Variants in PTPN3 observed in about 807,000 individuals in gnomAD.
PTPN3 encodes tyrosine-protein phosphatase non-receptor type 3.
In PTPN3, 96 loss-of-function variants were observed where a neutral mutation model predicts 132.7. The observed-to-expected ratio is 0.72, with a 90% CI of 0.61 to 0.86. The LOEUF is 0.86. Among genes scored for constraint, PTPN3 ranks in the 40% least tolerant of loss-of-function variants. The pLI, the probability that PTPN3 is intolerant of heterozygous loss-of-function variation, is 0.00. For missense variants in PTPN3, 1,125 were observed against 1,159.6 expected (o/e 0.97, Z 0.43); for synonymous variants, 398 against 429.0 (o/e 0.93, Z 0.89).
In PTPN3 at chr9:109,377,457, C is replaced by CACAA. The variant is rs1422644975; in HGVS notation, c.*2098_*2099insTTGT. 21 of 131,152 alleles carry CACAA rather than the reference C, an allele frequency of 1.6e-4. No homozygotes were observed. Among genetic ancestry groups the CACAA allele is most frequent in the Non-Finnish European group, 3.0e-4 (19 of 62,798 alleles). The allele number at this position is 131,152 out of a possible 1,614,324, so 8.1% of individuals were successfully genotyped here. ...ACACACACACACACACACACACACA[C>CACAA]AAGCCAGGTGAGGTGGCATGTGCCT... On this transcript the variant is annotated 3_prime_UTR_variant, in exon 26 of 26. Coordinates refer to ENST00000374541, the MANE Select transcript of PTPN3 (RefSeq NM_002829.4).
chr9:109,470,258 G>A (rs373686045), intron 1 of PTPN3, among the ~76,000 whole-genome samples: 3 of 152,162 alleles, frequency 2.0e-5, no homozygotes, highest in Admixed American at 6.5e-5. Context: ...GTTCTCTCTC[G>A]TCACTGTAGA....
intron 2 of PTPN3, among the ~76,000 whole-genome samples, chr9:109,460,007 C>A (rs1845761892): frequency 6.6e-6 from 1 of 152,184 alleles, no homozygotes; most frequent in East Asian, 1.9e-4. Flanking sequence ...CCAGCCTGGA[C>A]CCATCCCCTA....
chr9:109,402,080 A>G (rs1412850506), intron 19 of PTPN3, among the ~76,000 whole-genome samples: 1 of 152,088 alleles, frequency 6.6e-6, no homozygotes, highest in Non-Finnish European at 1.5e-5. Context: ...GAAATACCCA[A>G]GACACACTCG....
chr9:109,389,457 C>T, intron 21 of PTPN3, 78 bp from the exon 22 acceptor site: 1 of 1,415,022 alleles, frequency 7.1e-7, no homozygotes, highest in Non-Finnish European at 9.6e-7. Flanking sequence ...AACTATTCTA[C>T]TTGCTAATTG....
intron 13 of PTPN3, among the ~76,000 whole-genome samples, chr9:109,421,523 A>C (rs1232876926): frequency 6.6e-6 from 1 of 152,162 alleles, no homozygotes; most frequent in African/African-American, 2.4e-5. Flanking sequence ...TAGCCACAGG[A>C]GCTCCGGGCC....
chr9:109,450,998 G>T, intron 5 of PTPN3: 2 of 980,174 alleles, frequency 2.0e-6, no homozygotes, highest in Non-Finnish European at 2.4e-6. Flanking sequence ...TATGTTCCAG[G>T]AATATAGGTA....
chr9:109,394,981 T>C (rs1243825862), intron 19 of PTPN3, among the ~76,000 whole-genome samples: 3 of 151,106 alleles, frequency 2.0e-5, no homozygotes, highest in African/African-American at 4.9e-5. Flanking sequence ...CTACTAAAAA[T>C]ACAAAAAAAT....
At chr9:109,440,231 G>T (rs1047728935) in intron 7 of PTPN3, among the ~76,000 whole-genome samples, 2 of 152,236 alleles carry the variant, frequency 1.3e-5, no homozygotes, top group Non-Finnish European at 2.9e-5. Context: ...CTTGGTCAAG[G>T]TTAGACCAGA....
rs536132350 is a variant in PTPN3 at position 109,470,351 on chromosome 9, T to C, written c.-17-6900A>G. 5.9e-5 allele frequency among the ~76,000 whole-genome samples: 9 copies of C among 152,172 alleles called. No individual in the cohort carries two copies. In the South Asian group the frequency reaches 1.7e-3, roughly 28 times the overall value. ...CCCCAACAAGCAACAATCACTCGCATTGCTCACGCCTTTAGGAAGACAGAA... is the reference window on the plus strand; with the variant it reads ...CCCCAACAAGCAACAATCACTCGCACTGCTCACGCCTTTAGGAAGACAGAA... On this transcript the variant is annotated intron_variant, in intron 1 of 25. Transcript: ENST00000374541.
chr9:109,450,225 A>G, intron 5 of PTPN3: 1 of 985,390 alleles, frequency 1.0e-6, no homozygotes, highest in Non-Finnish European at 1.2e-6. Context: ...AGTATAACAT[A>G]CATTTGCTGA....
At chr9:109,534,634 A>AAAAAATAC in the PTPN3 span, among the ~76,000 whole-genome samples, 1 of 83,202 alleles carries the variant, frequency 1.2e-5, no homozygotes, top group Admixed American at 1.2e-4. Flanking sequence ...AAAAAATACA[A>AAAAAATAC]AAAAAAAAAA....
upstream of PTPN3, among the ~76,000 whole-genome samples, chr9:109,502,658 T>G (rs1269146064): frequency 6.6e-5 from 10 of 152,194 alleles, no homozygotes; most frequent in African/African-American, 2.2e-4. Context: ...TAGCTGGATG[T>G]GGTGGCACCC....
At chr9:109,495,973 G>A (rs1334616217) in intron 1 of PTPN3, among the ~76,000 whole-genome samples, 1 of 152,148 alleles carries the variant, frequency 6.6e-6, no homozygotes, top group Non-Finnish European at 1.5e-5. Flanking sequence ...ATTCTCTGGG[G>A]TGCACCCCAC....
intron 14 of PTPN3, among the ~76,000 whole-genome samples, chr9:109,416,562 C>A (rs1020870759): frequency 1.3e-5 from 2 of 151,600 alleles, no homozygotes; most frequent in Non-Finnish European, 2.9e-5. Flanking sequence ...TCTCTCATCT[C>A]AACCTCCCGA....
chr9:109,488,022 G>C (rs139018948), intron 1 of PTPN3, among the ~76,000 whole-genome samples: 55 of 151,912 alleles, frequency 3.6e-4, no homozygotes, highest in African/African-American at 1.3e-3. Flanking sequence ...GACATGCTCT[G>C]TCCTGTAAAA....
chr9:109,498,102 C>A lies in PTPN3; in HGVS notation c.-18+117G>T, dbSNP rs1346451175. On this transcript the variant is annotated intron_variant, in intron 1 of 25. Coordinates refer to ENST00000374541, the MANE Select transcript of PTPN3 (RefSeq NM_002829.4). This position sits in a 1 kb window ranked among gnomAD's most constrained non-coding sequence, Gnocchi z 4.2. ...GTGCAGCCGCACCCGCCAGCCCGCC[C>A]GCGCGTCCGCCGCGCGCCCCAGGGA... 7.5e-5 allele frequency: 11 copies of A among 145,914 alleles called. No individual in the cohort carries two copies. Among genetic ancestry groups the A allele is most frequent in the Admixed American group, 6.1e-4 (9 of 14,730 alleles). 9.0% of individuals were successfully genotyped at this position (145,914 alleles called of 1,614,324 possible).
At chr9:109,489,366 G>C (rs1436804302) in intron 1 of PTPN3, among the ~76,000 whole-genome samples, 2 of 152,218 alleles carry the variant, frequency 1.3e-5, no homozygotes, top group Non-Finnish European at 2.9e-5. Context: ...CAAACATCAG[G>C]CCTGCAGGCC....
At chr9:109,467,310 T>A (rs1482016408) in intron 1 of PTPN3, among the ~76,000 whole-genome samples, 1 of 151,992 alleles carries the variant, frequency 6.6e-6, no homozygotes, top group African/African-American at 2.4e-5. Context: ...TTCAAGTTGG[T>A]TTTAGTGGGA....
At chr9:109,453,507 A>G (rs1314162936) in intron 5 of PTPN3, among the ~76,000 whole-genome samples, 2 of 152,244 alleles carry the variant, frequency 1.3e-5, no homozygotes, top group Admixed American at 6.5e-5. Flanking sequence ...CTCCATTCCA[A>G]TTACTCTGTC....
Sources: allele counts gnomAD v4.1 joint callset (sites outside exome capture counted in the v4.1 genomes callset), GRCh38; gene constraint gnomAD v4.1.1; non-coding constraint Gnocchi (gnomAD v3.1); transcripts MANE v1.5; gene names NCBI Gene and HGNC (gene_info 2026-07-23, HGNC 2026-07-21).